SYN3: variants seen among roughly 807,000 people sequenced by gnomAD.
SYN3 encodes the protein synapsin III, also known as synapsin-3.
SYN3 carries 35 observed loss-of-function variants against 65.8 expected under a neutral mutation model. The observed-to-expected ratio is 0.53, with a 90% confidence interval of 0.41 to 0.70. SYN3 has a LOEUF of 0.70. Ranked by LOEUF, SYN3 falls within the 30% of genes least tolerant of loss-of-function variation. The pLI, the probability that SYN3 is intolerant of heterozygous loss-of-function variation, is 0.00. For missense variants in SYN3, 680 were observed against 749.0 expected (o/e 0.91, Z 1.08); for synonymous variants, 270 against 292.9 (o/e 0.92, Z 0.80).
chr22:33,004,366 C>A (rs2053145483), intron 2 of SYN3, among the ~76,000 whole-genome samples: 1 of 152,254 alleles, frequency 6.6e-6, no homozygotes, highest in South Asian at 2.1e-4. Flanking sequence ...CCCTGCAAAA[C>A]TATAGGGATG....
intron 1 of SYN3, among the ~76,000 whole-genome samples, chr22:33,038,362 G>A (rs527968269): frequency 3.9e-5 from 6 of 152,316 alleles, no homozygotes; most frequent in Admixed American, 2.6e-4. Flanking sequence ...CTGCTGCGGC[G>A]CTGCCTCCTC....
chr22:32,521,242 G>A (rs1407790449), intron 12 of SYN3, among the ~76,000 whole-genome samples: 1 of 152,090 alleles, frequency 6.6e-6, no homozygotes, highest in Non-Finnish European at 1.5e-5. Context: ...CATAGCAATT[G>A]CCCCTCTCTG....
At chr22:32,584,119 C>G (rs1330724823) in intron 7 of SYN3, 2 of 152,234 alleles carry the variant, frequency 1.3e-5, no homozygotes, top group Admixed American at 6.5e-5. Flanking sequence ...TCTCTAGCTC[C>G]AACTCCCTGG....
chr22:32,528,820 A>G (rs2058023897), intron 11 of SYN3, 54 bp downstream of exon 11: 1 of 1,609,004 alleles, frequency 6.2e-7, no homozygotes, highest in Non-Finnish European at 8.5e-7. Flanking sequence ...CCATTTCCAG[A>G]CAGCCTGGCA....
intron 6 of SYN3, among the ~76,000 whole-genome samples, chr22:32,671,561 A>G: frequency 7.6e-6 from 1 of 132,074 alleles, no homozygotes; most frequent in South Asian, 2.4e-4. Context: ...ACACACACAC[A>G]CATGCTCTCA....
rs536441662 is a variant in SYN3 at position 32,845,308 on chromosome 22, TGCCTCA to T, written c.711+19601_711+19606del. 7.0e-4 allele frequency among the ~76,000 whole-genome samples: 107 copies of T among 152,228 alleles called. 1 individual carries two copies. Among genetic ancestry groups the T allele is most frequent in the Non-Finnish European group, 9.1e-4 (62 of 68,022 alleles). On this transcript the variant is annotated intron_variant, in intron 6 of 13. Coordinates refer to ENST00000358763, the MANE Select transcript of SYN3 (RefSeq NM_003490.4). The stretch of plus-strand genomic sequence containing the variant: ...ACCTCCTGGGTTCAAGTGATTCTCC[TGCCTCA>T]GCCTCCCAAGTAGCTGGGACTACAG...
In SYN3 at chr22:32,798,685, C is replaced by CTTTTTT. The variant is rs751710119; in HGVS notation, c.711+66224_711+66229dup. Among the ~76,000 whole-genome samples, 30 of 92,480 alleles carry CTTTTTT rather than the reference C, an allele frequency of 3.2e-4. 1 individual carries two copies. Among genetic ancestry groups the CTTTTTT allele is most frequent in the Non-Finnish European group, 4.2e-4 (21 of 49,626 alleles). 60.7% of individuals were successfully genotyped at this position (92,480 alleles called of 152,430 possible). A position where few individuals can be genotyped will look rare whatever the true frequency, so the allele number is the denominator to read the frequency against. ...AAGCAGGAGAGCCTGCATCTTCATT[C>CTTTTTT]TTTTTTTTTTTTTTTTTTTTTTTGG... On this transcript the variant is annotated intron_variant, in intron 6 of 13. Transcript: ENST00000358763.
chr22:32,515,683 G>T (rs1415100802), intron 13 of SYN3, among the ~76,000 whole-genome samples: 3 of 152,206 alleles, frequency 2.0e-5, no homozygotes, highest in African/African-American at 7.2e-5. Context: ...AGCATTATTT[G>T]TAAGATCAAA....
At chr22:32,932,609 C>T (rs2050664106) in intron 3 of SYN3, among the ~76,000 whole-genome samples, 1 of 152,080 alleles carries the variant, frequency 6.6e-6, no homozygotes, top group Non-Finnish European at 1.5e-5. Flanking sequence ...AGCTACAGAC[C>T]TACCTTTGGA....
At chr22:32,739,350 G>C (rs534065948) in intron 6 of SYN3, among the ~76,000 whole-genome samples, 1 of 147,932 alleles carries the variant, frequency 6.8e-6, no homozygotes, top group South Asian at 2.2e-4. Flanking sequence ...CCAGCCACAT[G>C]GAACTGTGAG....
intron 1 of SYN3, among the ~76,000 whole-genome samples, chr22:33,056,445 AGGT>A (rs1479649058): frequency 2.0e-5 from 3 of 152,180 alleles, no homozygotes; most frequent in Non-Finnish European, 4.4e-5. Context: ...CCCAGCTCCC[AGGT>A]GAGTCCCTAG....
At chr22:32,666,757 C>T (rs1352973896) in intron 6 of SYN3, among the ~76,000 whole-genome samples, 1 of 152,162 alleles carries the variant, frequency 6.6e-6, no homozygotes, top group Non-Finnish European at 1.5e-5. Context: ...TGTCTGTTTC[C>T]CCCTGTTGGA....
intron 6 of SYN3, among the ~76,000 whole-genome samples, chr22:32,736,585 G>A (rs2061339120): frequency 6.6e-6 from 1 of 152,052 alleles, no homozygotes; most frequent in Admixed American, 6.6e-5. Context: ...GGAAAAAACT[G>A]AGGCTCAGGA....
At chr22:32,593,948 C>A (rs988791285) in intron 7 of SYN3, among the ~76,000 whole-genome samples, 3 of 151,950 alleles carry the variant, frequency 2.0e-5, no homozygotes, top group African/African-American at 7.3e-5. Context: ...GCACCAGAGG[C>A]CACTATAAGG....
At chr22:33,031,186 T>C (rs946765664) in intron 1 of SYN3, among the ~76,000 whole-genome samples, 2 of 152,086 alleles carry the variant, frequency 1.3e-5, no homozygotes, top group Non-Finnish European at 2.9e-5. Flanking sequence ...ATTGGGTGAG[T>C]TCCCTCTGGA....
chr22:32,609,572 A>T (rs1289765395), intron 6 of SYN3, among the ~76,000 whole-genome samples: 1 of 150,680 alleles, frequency 6.6e-6, no homozygotes, highest in Non-Finnish European at 1.5e-5. Context: ...AAACTCCTGT[A>T]CTCAAGTAAT....
chr22:32,773,352 A>G (rs1182500927), intron 6 of SYN3, among the ~76,000 whole-genome samples: 1 of 141,846 alleles, frequency 7.0e-6, no homozygotes, highest in Non-Finnish European at 1.5e-5. Flanking sequence ...GGTTGCAGTG[A>G]GCCGAGATTG....
rs73158383 is a variant in SYN3, at chr22:32,907,627, T to A, written c.461+23763A>T. Among the ~76,000 whole-genome samples the A allele has an allele frequency of 1.6e-3, 241 of 152,286 alleles. 1 individual carries two copies. Among genetic ancestry groups the A allele is most frequent in the South Asian group, 1.7e-3 (8 of 4,822 alleles). ...AACAATATTTTAGTGTAATATTTTT[T>A]AAAAAATATCAAATTAACAAGCTAT... On this transcript the variant is annotated intron_variant, in intron 4 of 13. Transcript: ENST00000358763.
intron 4 of SYN3, among the ~76,000 whole-genome samples, chr22:32,872,497 C>T (rs2048875326): frequency 6.6e-6 from 1 of 152,110 alleles, no homozygotes; most frequent in Non-Finnish European, 1.5e-5. Flanking sequence ...TCAAGGTGGC[C>T]ACCATGACCT....
Sources: allele counts gnomAD v4.1 joint callset (sites outside exome capture counted in the v4.1 genomes callset), GRCh38; gene constraint gnomAD v4.1.1; transcripts MANE v1.5; gene names NCBI Gene and HGNC (gene_info 2026-07-23, HGNC 2026-07-21).